SLC10A7: variants seen among roughly 807,000 people sequenced by gnomAD.
SLC10A7 encodes the protein sodium/bile acid cotransporter 7.
A neutral mutation model predicts 43.2 loss-of-function variants in SLC10A7; 29 were observed. That is an observed-to-expected ratio of 0.67 (90% CI 0.50 to 0.92). SLC10A7 has a LOEUF of 0.92. Ranked by LOEUF, SLC10A7 falls within the 40% of genes least tolerant of loss-of-function variation. The pLI is 0.00. For missense variants in SLC10A7, 295 were observed against 403.2 expected (o/e 0.73, Z 2.30); for synonymous variants, 152 against 144.8 (o/e 1.05, Z -0.35).
At chr4:146,445,718 C>G (rs113788364) in intron 4 of SLC10A7, among the ~76,000 whole-genome samples, 1 of 152,014 alleles carries the variant, frequency 6.6e-6, no homozygotes, top group African/African-American at 2.4e-5. Context: ...CTTTGTTGAG[C>G]GGTGGAAGTG....
chr4:146,320,010 C>G (rs1048822693), intron 6 of SLC10A7, among the ~76,000 whole-genome samples: 2 of 151,952 alleles, frequency 1.3e-5, no homozygotes, highest in East Asian at 3.9e-4. Context: ...TGCTTATTTC[C>G]TCATCAGCCA....
At chr4:146,285,842 C>T (rs1427586747) in intron 9 of SLC10A7, among the ~76,000 whole-genome samples, 1 of 150,470 alleles carries the variant, frequency 6.6e-6, no homozygotes, top group Non-Finnish European at 1.5e-5. Context: ...GTGAAAAGGA[C>T]TGAATTTGGA....
intron 5 of SLC10A7, among the ~76,000 whole-genome samples, chr4:146,386,797 A>C (rs1047594924): frequency 7.2e-5 from 11 of 152,152 alleles, no homozygotes; most frequent in African/African-American, 2.7e-4. Context: ...TATACTACAT[A>C]CTGCTTTCTT....
chr4:146,473,331 C>A (rs1733745314), intron 4 of SLC10A7, among the ~76,000 whole-genome samples: 1 of 152,102 alleles, frequency 6.6e-6, no homozygotes, highest in African/African-American at 2.4e-5. Flanking sequence ...TTACTGTTTG[C>A]ATGTATGACA....
chr4:146,420,910 C>T (rs1728916367), intron 5 of SLC10A7, among the ~76,000 whole-genome samples: 1 of 151,788 alleles, frequency 6.6e-6, no homozygotes, highest in Admixed American at 6.6e-5. Flanking sequence ...ACCTGTAGTC[C>T]CAGCTACTAG....
At chr4:146,485,613 C>T (rs1312776142) in intron 4 of SLC10A7, among the ~76,000 whole-genome samples, 3 of 152,140 alleles carry the variant, frequency 2.0e-5, no homozygotes, top group Non-Finnish European at 4.4e-5. Flanking sequence ...CTAACTATGA[C>T]GGCTTCTGGA....
intron 4 of SLC10A7, among the ~76,000 whole-genome samples, chr4:146,468,781 A>T (rs1468582449): frequency 1.3e-5 from 2 of 152,166 alleles, no homozygotes; most frequent in African/African-American, 2.4e-5. Context: ...TTTAAAATAC[A>T]GTGTTTAATT....
chr4:146,397,821 C>T (rs1005275233), intron 5 of SLC10A7, among the ~76,000 whole-genome samples: 1 of 152,140 alleles, frequency 6.6e-6, no homozygotes, highest in Non-Finnish European at 1.5e-5. Context: ...AGAGGAAACA[C>T]CTTTAGGAAT....
At chr4:146,261,640 G>A (rs1429955417) in intron 10 of SLC10A7, among the ~76,000 whole-genome samples, 1 of 152,146 alleles carries the variant, frequency 6.6e-6, no homozygotes, top group Non-Finnish European at 1.5e-5. Flanking sequence ...ACTTGCAGCT[G>A]CGGCCAAAAT....
intron 10 of SLC10A7, among the ~76,000 whole-genome samples, chr4:146,280,679 T>C (rs909923419): frequency 6.6e-6 from 1 of 152,184 alleles, no homozygotes; most frequent in Non-Finnish European, 1.5e-5. Flanking sequence ...AGTAAATTTA[T>C]AGTGCTTAAC....
chr4:146,430,167 A>G (rs922068565), intron 5 of SLC10A7, among the ~76,000 whole-genome samples: 9 of 152,062 alleles, frequency 5.9e-5, no homozygotes, highest in Non-Finnish European at 1.2e-4. Flanking sequence ...GAGAGGGTGA[A>G]GGGTGGATCA....
chr4:146,395,303 T>TG (rs1456444893), intron 5 of SLC10A7, among the ~76,000 whole-genome samples: 1 of 152,174 alleles, frequency 6.6e-6, no homozygotes, highest in Non-Finnish European at 1.5e-5. Flanking sequence ...GCAGGAGGAT[T>TG]GCTTTGGGCC....
At chr4:146,264,987 C>A (rs1205141039) in intron 10 of SLC10A7, among the ~76,000 whole-genome samples, 5 of 152,232 alleles carry the variant, frequency 3.3e-5, no homozygotes, top group African/African-American at 4.8e-5. Context: ...CCCAAATCCA[C>A]AGTCATTAAA....
At chr4:146,495,720 A>C (rs1469928733) in intron 4 of SLC10A7, among the ~76,000 whole-genome samples, 1 of 149,710 alleles carries the variant, frequency 6.7e-6, no homozygotes, top group Non-Finnish European at 1.5e-5. Flanking sequence ...GACATTCTTA[A>C]ATTGTCTTTG....
In SLC10A7 at chr4:146,322,527, T is replaced by C. The variant is rs186786295; in HGVS notation, c.471+3434A>G. On this transcript the variant is annotated intron_variant, in intron 6 of 11. Coordinates refer to ENST00000335472, the MANE Select transcript of SLC10A7 (RefSeq NM_001029998.6). The stretch of plus-strand genomic sequence containing the variant: ...GAATGATGGTTTCCAGCTTCATCCA[T>C]GTCCCCCTACAAAGGACATGAATTC... 8.1e-4 allele frequency among the ~76,000 whole-genome samples: 124 copies of C among 152,242 alleles called. 1 individual carries two copies. The highest frequency in any genetic ancestry group is 2.8e-3 in the African/African-American group (116 of 41,544).
intron 7 of SLC10A7, among the ~76,000 whole-genome samples, chr4:146,303,842 T>C (rs1055146392): frequency 6.9e-6 from 1 of 143,904 alleles, no homozygotes; most frequent in Non-Finnish European, 1.5e-5. Context: ...CAGTTAATCT[T>C]TACAACAACC....
At chr4:146,501,994 A>C (rs1287558068) in intron 4 of SLC10A7, among the ~76,000 whole-genome samples, 2 of 152,220 alleles carry the variant, frequency 1.3e-5, no homozygotes, top group Non-Finnish European at 2.9e-5. Flanking sequence ...AATATTGACA[A>C]AGCAAATATC....
chr4:146,324,990 AG>A (rs1294196092), intron 6 of SLC10A7, among the ~76,000 whole-genome samples: 3 of 152,230 alleles, frequency 2.0e-5, no homozygotes, highest in Non-Finnish European at 4.4e-5. Flanking sequence ...ACTGTTTAGT[AG>A]TATATCTATC....
At chr4:146,408,053 C>A (rs754556260) in intron 5 of SLC10A7, among the ~76,000 whole-genome samples, 1 of 152,170 alleles carries the variant, frequency 6.6e-6, no homozygotes, top group African/African-American at 2.4e-5. Flanking sequence ...TAGCAGTAAT[C>A]CAGTTCTGGC....
Sources: gnomAD v4.1 joint callset for allele counts (sites outside exome capture counted in the v4.1 genomes callset) on GRCh38, gnomAD v4.1.1 for gene constraint, MANE v1.5 for transcripts, NCBI Gene and HGNC (gene_info 2026-07-23, HGNC 2026-07-21) for gene names.